The following ZNF512 variants were observed in gnomAD, a reference collection of about 807,000 sequenced individuals.
The protein encoded by ZNF512 is zinc finger protein 512.
ZNF512 carries 25 observed loss-of-function variants against 77.5 expected under a neutral mutation model. The observed-to-expected ratio is 0.32, with a 90% CI of 0.23 to 0.45. ZNF512 has a LOEUF of 0.45. Among genes scored for constraint, ZNF512 ranks in the 20% least tolerant of loss-of-function variants. ZNF512 has a pLI of 1.00. For missense variants in ZNF512, 483 were observed against 692.6 expected (o/e 0.70, Z 3.40); for synonymous variants, 246 against 239.9 (o/e 1.03, Z -0.24).
intron 1 of ZNF512, 198 bp downstream of exon 1, chr2:27,583,340 C>A: frequency 2.3e-6 from 3 of 1,287,008 alleles, no homozygotes; most frequent in Admixed American, 2.5e-5. Context: ...GATTTAATTC[C>A]TCGCCACATT....
rs1409918685 is a variant in ZNF512, at chr2:27,622,537, G to C, written c.*1076G>C. On this transcript the variant is annotated 3_prime_UTR_variant, in exon 14 of 14. Coordinates refer to ENST00000355467, the MANE Select transcript of ZNF512 (RefSeq NM_032434.4). The stretch of plus-strand genomic sequence containing the variant: ...TCCTGAGACTTTGACACCAGATGTA[G>C]ATATTTATCTGGAGCTGGAAAGAAA... The C allele has an allele frequency of 1.3e-5, 2 of 152,728 alleles. No individual in the cohort carries two copies. The highest frequency in any genetic ancestry group is 2.9e-5 in the Non-Finnish European group (2 of 68,044). The allele number at this position is 152,728 out of a possible 1,614,324, so 9.5% of individuals were successfully genotyped here.
At chr2:27,606,446 T>C (rs1672366519) in intron 9 of ZNF512, among the ~76,000 whole-genome samples, 2 of 152,048 alleles carry the variant, frequency 1.3e-5, no homozygotes, top group Non-Finnish European at 2.9e-5. Context: ...CACTGCAACC[T>C]CCGCCTCCTG....
intron 3 of ZNF512, 48 bp from the exon 4 acceptor site, chr2:27,599,534 AT>A (rs769821161): frequency 7.0e-7 from 1 of 1,425,224 alleles, no homozygotes; most frequent in South Asian, 1.2e-5. Flanking sequence ...CTAGATGTTC[AT>A]TTACAAAGTG....
rs777131351 is a variant in ZNF512, at chr2:27,602,506, G to C, written c.713G>C (p.Arg238Thr). Residue 238 changes from arginine (R) to threonine (T), a missense_variant, in exon 8 of 14, where the codon AGG becomes ACG. Around this residue, in one of 2 missense-constraint regions of ZNF512, gnomAD observed 324 missense variants for 525.0 expected, o/e 0.62. Transcript: ENST00000355467. ...GATGAAATAGATGAGCCAAGTGAGA[G>C]GGAAAGGCTCCGAACAGTTCTAAAG... ...AGDEIDEPSERERLRTVLKRL... is the reference protein window; with the variant it reads ...AGDEIDEPSETERLRTVLKRL... 6.2e-7 allele frequency: 1 copy of C among 1,614,072 alleles called. No individual in the cohort carries two copies. The highest frequency in any genetic ancestry group is 8.5e-7 in the Non-Finnish European group (1 of 1,179,982).
At chr2:27,601,329 A>G (rs369580503) in intron 6 of ZNF512, 27 bp from the exon 7 acceptor site, 11 of 1,561,344 alleles carry the variant, frequency 7.0e-6, no homozygotes, top group Non-Finnish European at 9.7e-6. Flanking sequence ...GGAACAACCT[A>G]GCACTGAGCA....
intron 2 of ZNF512, among the ~76,000 whole-genome samples, chr2:27,594,475 G>T (rs1671756903): frequency 7.7e-6 from 1 of 130,550 alleles, no homozygotes; most frequent in Non-Finnish European, 1.6e-5. Flanking sequence ...CCGGGCAGAG[G>T]TGCTCCTCAC....
chr2:27,599,563 GTT>G lies in ZNF512; in HGVS notation c.278-16_278-15del, dbSNP rs773007585. On this transcript the variant is annotated intron_variant, in intron 3 of 13. Coordinates refer to ENST00000355467, the MANE Select transcript of ZNF512 (RefSeq NM_032434.4). Reference sequence around the variant, plus strand: ...ACAAAGTGTGCTGAGTTTTTGTTTTGTTTTTGTATGGTACTTCAGGGTCAGGT... The same window carrying G: ...ACAAAGTGTGCTGAGTTTTTGTTTTGTTTGTATGGTACTTCAGGGTCAGGT... 6.2e-7 allele frequency: 1 copy of G among 1,603,282 alleles called. No homozygotes were observed. The highest frequency in any genetic ancestry group is 2.2e-5 in the East Asian group (1 of 44,828).
chr2:27,592,297 T>A (rs142218864), intron 2 of ZNF512, among the ~76,000 whole-genome samples: 2,934 of 151,044 alleles, frequency 0.019, 48 homozygotes, highest in African/African-American at 0.024. Flanking sequence ...AGCTTAGTTT[T>A]TTTATTTATT....
chr2:27,613,056 A>G (rs1672733012), intron 10 of ZNF512, among the ~76,000 whole-genome samples: 1 of 152,022 alleles, frequency 6.6e-6, no homozygotes, highest in Non-Finnish European at 1.5e-5. Context: ...GTTCCCACTT[A>G]CCTCCAAAGA....
At chr2:27,604,799 G>GTT (rs756813310) in intron 9 of ZNF512, among the ~76,000 whole-genome samples, 2 of 151,940 alleles carry the variant, frequency 1.3e-5, no homozygotes, top group African/African-American at 2.4e-5. Context: ...AAAAAAAGAT[G>GTT]TTTTACAATT....
intron 2 of ZNF512, among the ~76,000 whole-genome samples, chr2:27,590,504 T>C (rs1671525661): frequency 6.6e-6 from 1 of 152,258 alleles, no homozygotes; most frequent in African/African-American, 2.4e-5. Flanking sequence ...TTTTACTCTG[T>C]CATTTGCTGA....
At chr2:27,620,006 G>T (rs1189857222) in intron 13 of ZNF512, among the ~76,000 whole-genome samples, 3 of 151,902 alleles carry the variant, frequency 2.0e-5, no homozygotes, top group South Asian at 2.1e-4. Context: ...CTAAAACAAG[G>T]TCTAAATATT....
intron 2 of ZNF512, among the ~76,000 whole-genome samples, chr2:27,595,211 T>C (rs1671805289): frequency 6.6e-6 from 1 of 152,136 alleles, no homozygotes; most frequent in Non-Finnish European, 1.5e-5. Flanking sequence ...CAACTACACT[T>C]AAGTTAAAAC....
chr2:27,583,548 G>A, intron 1 of ZNF512, 110 bp from the exon 2 acceptor site: 1 of 1,534,416 alleles, frequency 6.5e-7, no homozygotes, highest in South Asian at 1.2e-5. Flanking sequence ...TTGTGTTTGA[G>A]GTGGTTTCCC....
chr2:27,599,820 C>T, intron 4 of ZNF512, 142 bp downstream of exon 4: 4 of 1,146,100 alleles, frequency 3.5e-6, no homozygotes, highest in Non-Finnish European at 5.1e-6. Context: ...GGCCTCCATC[C>T]TGCCTCATTA....
At chr2:27,603,573 A>AGTGTGTGTTTGTGTGTGTGTGTGT (rs1672218846) in intron 9 of ZNF512, among the ~76,000 whole-genome samples, 1 of 133,176 alleles carries the variant, frequency 7.5e-6, no homozygotes, top group Non-Finnish European at 1.5e-5. Context: ...ATTTTTATAT[A>AGTGTGTGTTTGTGTGTGTGTGTGT]GTGTGTGTGT....
At chr2:27,584,952 C>G (rs1158927548) in intron 2 of ZNF512, among the ~76,000 whole-genome samples, 1 of 152,052 alleles carries the variant, frequency 6.6e-6, no homozygotes, top group Admixed American at 6.5e-5. Context: ...ACTCTGGCAG[C>G]ATTATGAAGG....
At chr2:27,597,068 T>C (rs764424941) in intron 2 of ZNF512, among the ~76,000 whole-genome samples, 1 of 152,222 alleles carries the variant, frequency 6.6e-6, no homozygotes, top group Admixed American at 6.5e-5. Flanking sequence ...TTATTGCTTC[T>C]AACAGCAGCA....
rs893994340 is a variant in ZNF512, at chr2:27,598,261, A to G, written c.277+7A>G. ...GCTACTTCTCATGTCGAAGGTATCA[A>G]TATCAGTGTCTTATTCTGAAGACGG... On this transcript the variant is annotated splice_region_variant and intron_variant, in intron 3 of 13. Coordinates refer to ENST00000355467, the MANE Select transcript of ZNF512 (RefSeq NM_032434.4). The G allele has an allele frequency of 1.9e-6, 3 of 1,609,176 alleles. No homozygotes were observed. Among genetic ancestry groups the G allele is most frequent in the African/African-American group, 1.3e-5 (1 of 75,020 alleles).
Sources: gnomAD v4.1 joint callset for allele counts (sites outside exome capture counted in the v4.1 genomes callset) on GRCh38, gnomAD v4.1.1 for gene constraint, gnomAD v4.1.1 regional missense constraint, MANE v1.5 for transcripts, NCBI Gene and HGNC (gene_info 2026-07-23, HGNC 2026-07-21) for gene names.